Variants in SH3PXD2A observed in about 807,000 individuals in gnomAD.
SH3PXD2A encodes SH3 and PX domains 2A, also known as SH3 and PX domain-containing protein 2A.
In SH3PXD2A, 32 loss-of-function variants were observed where a neutral mutation model predicts 115.2. The observed-to-expected ratio is 0.28, with a 90% confidence interval of 0.21 to 0.37. SH3PXD2A has a LOEUF of 0.37. Ranked by LOEUF, SH3PXD2A falls within the 10% of genes least tolerant of loss-of-function variation. The pLI is 1.00. For synonymous variants in SH3PXD2A, 610 were observed against 629.1 expected (o/e 0.97, Z 0.45); for missense variants, 1,328 against 1,498.7 (o/e 0.89, Z 1.88).
chr10:103,825,219 C>T (rs2039418538), intron 1 of SH3PXD2A, among the ~76,000 whole-genome samples: 1 of 152,156 alleles, frequency 6.6e-6, no homozygotes, highest in Admixed American at 6.5e-5. Flanking sequence ...CAACCCCAAC[C>T]CTGACACCTC....
At chr10:103,637,329 C>A (rs1025703095) in intron 8 of SH3PXD2A, among the ~76,000 whole-genome samples, 4 of 152,308 alleles carry the variant, frequency 2.6e-5, no homozygotes, top group Middle Eastern at 6.8e-3. Flanking sequence ...TTCCAGGCTT[C>A]ATGTTTTCCT....
intron 6 of SH3PXD2A, among the ~76,000 whole-genome samples, chr10:103,679,459 T>TC (rs2037581973): frequency 6.6e-6 from 1 of 152,126 alleles, no homozygotes; most frequent in South Asian, 2.1e-4. Flanking sequence ...AAGGGTACCC[T>TC]CCCTGCGCCC....
chr10:103,612,842 G>A lies in SH3PXD2A; in HGVS notation c.1258+11C>T, dbSNP rs754347461. The A allele has an allele frequency of 8.5e-6, 13 of 1,530,164 alleles. No homozygotes were observed. The Middle Eastern group carries it at 1.1e-3, about 127-fold the overall frequency. 94.8% of individuals were successfully genotyped at this position (1,530,164 alleles called of 1,614,324 possible). On this transcript the variant is annotated intron_variant, in intron 12 of 14. Transcript: ENST00000369774. ...TTGCAGTGAGGACCTAGAGGTCAGC[G>A]AGGCTCTTACTGATCTGGGCCCGCT...
intron 4 of SH3PXD2A, among the ~76,000 whole-genome samples, chr10:103,727,963 G>C (rs1373363825): frequency 6.6e-6 from 1 of 152,258 alleles, no homozygotes; most frequent in Non-Finnish European, 1.5e-5. Flanking sequence ...ATGATGGCCA[G>C]GGCCAGGGCA....
At chr10:103,632,654 T>TCTCTGCAGCTGTCATCTCCC (rs2036797734) in intron 8 of SH3PXD2A, among the ~76,000 whole-genome samples, 1 of 152,136 alleles carries the variant, frequency 6.6e-6, no homozygotes, top group African/African-American at 2.4e-5. Context: ...GGCAGGCTCT[T>TCTCTGCAGCTGTCATCTCCC]CTCTGCAGCT....
At chr10:103,646,434 G>A (rs995924785) in intron 8 of SH3PXD2A, among the ~76,000 whole-genome samples, 1 of 152,158 alleles carries the variant, frequency 6.6e-6, no homozygotes, top group Non-Finnish European at 1.5e-5. Context: ...TCATTCTAGA[G>A]ACTCGCCACA....
chr10:103,633,727 C>CAAAAAAAAAA (rs35917262), intron 8 of SH3PXD2A, among the ~76,000 whole-genome samples: 22 of 74,350 alleles, frequency 3.0e-4, no homozygotes, highest in African/African-American at 1.1e-3. Flanking sequence ...GATTCTGTCT[C>CAAAAAAAAAA]AAAAAAAAAA....
intron 14 of SH3PXD2A, among the ~76,000 whole-genome samples, chr10:103,605,355 C>T (rs535025626): frequency 3.2e-4 from 49 of 152,286 alleles, no homozygotes; most frequent in African/African-American, 1.1e-3. Context: ...GGAGAGAAAG[C>T]TTGTGGGGTT....
At chr10:103,648,461 GC>G (rs2134016135) in intron 8 of SH3PXD2A, among the ~76,000 whole-genome samples, 1 of 152,282 alleles carries the variant, frequency 6.6e-6, no homozygotes, top group Non-Finnish European at 1.5e-5. Context: ...GTGATTACGG[GC>G]CCTTTGCTTG....
At chr10:103,735,340 A>G (rs1370460551) in intron 4 of SH3PXD2A, among the ~76,000 whole-genome samples, 2 of 152,252 alleles carry the variant, frequency 1.3e-5, no homozygotes, top group Non-Finnish European at 2.9e-5. Context: ...ACTGATCCCA[A>G]CAACATCCCA....
chr10:103,666,493 A>C lies in SH3PXD2A; in HGVS notation c.472+2115T>G, dbSNP rs1176450028. Among the ~76,000 whole-genome samples, 1 of 152,116 alleles carries C rather than the reference A, an allele frequency of 6.6e-6. No homozygotes were observed. The highest frequency in any genetic ancestry group is 1.5e-5 in the Non-Finnish European group (1 of 68,032). ...AACCAAAGTATGTGCCTTGGACAAG[A>C]GTCTCTCGACACTCCAGGACTGGTG... On this transcript the variant is annotated intron_variant, in intron 7 of 14. Transcript: ENST00000369774. This position sits in a 1 kb window ranked among gnomAD's most constrained non-coding sequence, Gnocchi z 4.5.
intron 3 of SH3PXD2A, among the ~76,000 whole-genome samples, chr10:103,737,913 T>C (rs934891010): frequency 1.3e-5 from 2 of 152,226 alleles, no homozygotes; most frequent in Non-Finnish European, 2.9e-5. Flanking sequence ...AACTGCATCC[T>C]ATTGCATGTG....
chr10:103,799,803 T>C (rs2039129916), intron 2 of SH3PXD2A, among the ~76,000 whole-genome samples: 1 of 152,152 alleles, frequency 6.6e-6, no homozygotes, highest in African/African-American at 2.4e-5. Context: ...TACACTGGAA[T>C]TAAGGAGACT....
chr10:103,701,330 TCATC>T (rs1332504136), intron 5 of SH3PXD2A, among the ~76,000 whole-genome samples: 5 of 92,280 alleles, frequency 5.4e-5, no homozygotes, highest in Admixed American at 1.1e-4. Flanking sequence ...ATCCATCCAT[TCATC>T]CATCCATCCA....
intron 6 of SH3PXD2A, among the ~76,000 whole-genome samples, chr10:103,684,642 C>G (rs568669451): frequency 3.3e-5 from 5 of 152,110 alleles, no homozygotes; most frequent in Non-Finnish European, 5.9e-5. Context: ...CGAGCCACCA[C>G]GCCCGGCCAT....
intron 5 of SH3PXD2A, among the ~76,000 whole-genome samples, chr10:103,701,158 AT>A (rs2037894018): frequency 1.4e-5 from 2 of 142,766 alleles, no homozygotes; most frequent in African/African-American, 5.4e-5. Flanking sequence ...CCATCCATCC[AT>A]CCATCCATCC....
At chr10:103,652,282 G>T (rs2037138098) in intron 8 of SH3PXD2A, among the ~76,000 whole-genome samples, 1 of 152,238 alleles carries the variant, frequency 6.6e-6, no homozygotes, top group Non-Finnish European at 1.5e-5. Flanking sequence ...AGTTTCCTGG[G>T]ATTCCACAGC....
At chr10:103,674,843 CAAACA>C (rs1238832873) in intron 6 of SH3PXD2A, among the ~76,000 whole-genome samples, 3 of 151,846 alleles carry the variant, frequency 2.0e-5, no homozygotes, top group Non-Finnish European at 4.4e-5. Flanking sequence ...AACAAACAAA[CAAACA>C]AAACAAAATA....
intron 1 of SH3PXD2A, among the ~76,000 whole-genome samples, chr10:103,833,387 C>A (rs2039500627): frequency 6.6e-6 from 1 of 152,022 alleles, no homozygotes. Flanking sequence ...TGACATAAAT[C>A]CTAACCTGTC....
Sources: allele counts gnomAD v4.1 joint callset (sites outside exome capture counted in the v4.1 genomes callset), GRCh38; gene constraint gnomAD v4.1.1; non-coding constraint Gnocchi (gnomAD v3.1); transcripts MANE v1.5; gene names NCBI Gene and HGNC (gene_info 2026-07-23, HGNC 2026-07-21).